The following RPL31 variants were observed in gnomAD, a reference collection of about 807,000 sequenced individuals.
The protein encoded by RPL31 is ribosomal protein L31, also known as large ribosomal subunit protein eL31.
For synonymous variants in RPL31, 51 were observed against 55.0 expected, an observed-to-expected ratio of 0.93 and a Z score of 0.32; for missense variants, 95 against 164.0, an observed-to-expected ratio of 0.58 and a Z score of 2.30.
chr2:101,007,453 T>TGTCA (rs1678810656), downstream of RPL31, among the ~76,000 whole-genome samples: 1 of 152,234 alleles, frequency 6.6e-6, no homozygotes, highest in African/African-American at 2.4e-5. Flanking sequence ...CCTCTCCCAT[T>TGTCA]GTCACTCCAA....
At position 101,015,565 on chromosome 2, in the gene RPL31, A is replaced by G. The variant is rs1573865303; in HGVS notation, c.347-3433A>G. On this transcript the variant is annotated intron_variant, in intron 4 of 4. Coordinates refer to the RPL31 transcript ENST00000409028. The stretch of plus-strand genomic sequence containing the variant: ...AATATTTCCTTTATATTCTTATTCT[A>G]TAAACATTTTTCTATCAAAAAAATC... Among the ~76,000 whole-genome samples the G allele has an allele frequency of 2.0e-5, 3 of 152,356 alleles. 1 individual carries two copies. The South Asian group carries it at 6.2e-4, about 32-fold the overall frequency.
chr2:101,003,767 A>T (rs1038982781), intron 2 of RPL31, among the ~76,000 whole-genome samples: 1 of 152,214 alleles, frequency 6.6e-6, no homozygotes, highest in Non-Finnish European at 1.5e-5. Flanking sequence ...GCATTGAATG[A>T]TCTGTTCCAA....
intron 2 of RPL31, among the ~76,000 whole-genome samples, chr2:101,003,475 T>G (rs1386345191): frequency 6.6e-6 from 1 of 152,176 alleles, no homozygotes; most frequent in African/African-American, 2.4e-5. Flanking sequence ...AAACTTGCAG[T>G]CCCCTTCCCT....
At chr2:101,006,322 T>C (rs1413241999) in intron 4 of RPL31, 28 bp from the exon 5 acceptor site, 11 of 1,605,166 alleles carry the variant, frequency 6.9e-6, no homozygotes, top group East Asian at 2.2e-5. Flanking sequence ...GATGTGGGTA[T>C]GGAAATTGAC....
At chr2:101,015,750 G>A (rs74472558) in intron 4 of RPL31, among the ~76,000 whole-genome samples, 2 of 152,180 alleles carry the variant, frequency 1.3e-5, no homozygotes, top group East Asian at 3.8e-4. Context: ...ACAGAACAGA[G>A]CCCTCAGAAA....
In RPL31 at chr2:101,007,153, T is replaced by A. The variant is rs1678779807; in HGVS notation, c.*772T>A. ...AAACCATGGATGGGCAGCAGCAACA[T>A]CTCCAGCTTACCCATTCACTGCCAC... On this transcript the variant is annotated 3_prime_UTR_variant, in exon 5 of 5. Coordinates refer to ENST00000264258, the MANE Select transcript of RPL31 (RefSeq NM_000993.5). 1 of 152,190 alleles carries A rather than the reference T, an allele frequency of 6.6e-6. No homozygotes were observed. The highest frequency in any genetic ancestry group is 2.4e-5 in the African/African-American group (1 of 41,406). 9.4% of individuals were successfully genotyped at this position (152,190 alleles called of 1,614,324 possible). A position where few individuals can be genotyped will look rare whatever the true frequency, so the allele number is the denominator to read the frequency against.
At chr2:101,008,355 G>A, downstream of RPL31, 1 of 1,106,030 alleles carries the variant, frequency 9.0e-7, no homozygotes, top group Non-Finnish European at 1.2e-6. Context: ...TGTGAGCTTT[G>A]AGAAAACGAC....
downstream of RPL31, chr2:101,011,635 G>T: frequency 7.7e-7 from 1 of 1,293,058 alleles, no homozygotes; most frequent in Non-Finnish European, 1.1e-6. Flanking sequence ...GGCTAAGCCA[G>T]CAGCTCCCAG....
At position 101,019,121 on chromosome 2, in the gene RPL31, A is replaced by C. The variant is rs369132251; in HGVS notation, c.*83A>C. ...AGCTGCAGCAGATGCCTTTACAACCAAGCTCACCGAGGACGTCTGTCTCCC... is the reference window on the plus strand; with the variant it reads ...AGCTGCAGCAGATGCCTTTACAACCCAGCTCACCGAGGACGTCTGTCTCCC... On this transcript the variant is annotated 3_prime_UTR_variant, in exon 5 of 5. Transcript: ENST00000409028. 32 of 1,539,652 alleles carry C rather than the reference A, an allele frequency of 2.1e-5. No individual in the cohort carries two copies. The East Asian group carries it at 4.3e-4, about 21-fold the overall frequency.
chr2:101,018,115 TAA>T (rs1679788907), intron 4 of RPL31: 5 of 565,964 alleles, frequency 8.8e-6, no homozygotes, highest in South Asian at 8.7e-5. Flanking sequence ...CTTTTTCATA[TAA>T]AGTTTTCAGA....
Position 101,004,418 on chromosome 2 carries a change from T to A in RPL31, c.233+135T>A, listed in dbSNP as rs539900797. The A allele has an allele frequency of 7.1e-5, 64 of 899,426 alleles. No homozygotes were observed. The African/African-American group carries it at 9.9e-4, about 14-fold the overall frequency. The allele number at this position is 899,426 out of a possible 1,614,324, so 55.7% of individuals were successfully genotyped here. On this transcript the variant is annotated intron_variant, in intron 3 of 4. Coordinates refer to ENST00000264258, the MANE Select transcript of RPL31 (RefSeq NM_000993.5). ...ATAAAAAAAAAAAATACTGTGACCG[T>A]GACTTAGGGTGTGTAGTATCTGCAG...
chr2:101,004,815 C>G (rs1356393110), intron 3 of RPL31: 1 of 153,622 alleles, frequency 6.5e-6, no homozygotes, highest in Non-Finnish European at 1.4e-5. Flanking sequence ...AATTGCCTAG[C>G]TCAGATGTTA....
intron 4 of RPL31, among the ~76,000 whole-genome samples, chr2:101,013,617 G>A (rs1010566896): frequency 6.6e-6 from 1 of 152,202 alleles, no homozygotes; most frequent in Non-Finnish European, 1.5e-5. Context: ...CCAGCAGGAA[G>A]GTCTCTCCTT....
intron 4 of RPL31, among the ~76,000 whole-genome samples, chr2:101,016,724 C>A (rs1014923437): frequency 6.6e-6 from 1 of 152,122 alleles, no homozygotes; most frequent in Non-Finnish European, 1.5e-5. Context: ...CACATATACA[C>A]CATGGAATAC....
Position 101,006,623 on chromosome 2 carries a change from T to C in RPL31, c.*242T>C. The C allele has an allele frequency of 2.3e-6, 1 of 427,360 alleles. No individual in the cohort carries two copies. The highest frequency in any genetic ancestry group is 4.1e-6 in the Non-Finnish European group (1 of 243,450). 26.5% of individuals were successfully genotyped at this position (427,360 alleles called of 1,614,324 possible). A position where few individuals can be genotyped will look rare whatever the true frequency, so the allele number is the denominator to read the frequency against. On this transcript the variant is annotated 3_prime_UTR_variant, in exon 5 of 5. Transcript: ENST00000264258. ...TGGGATACTGAAGGCATATTGTTAA[T>C]TATTCTACTTGTATGTTTTGCTAAT... is the stretch of plus-strand genomic sequence containing the variant.
chr2:101,005,732 G>A, intron 3 of RPL31: 1 of 551,452 alleles, frequency 1.8e-6, no homozygotes, highest in Non-Finnish European at 3.2e-6. Flanking sequence ...GGTATCAATG[G>A]TGGCTACCTT....
chr2:101,013,261 T>C (rs1679365944), intron 4 of RPL31, among the ~76,000 whole-genome samples: 1 of 152,194 alleles, frequency 6.6e-6, no homozygotes. Flanking sequence ...CTGAAAATAC[T>C]CATTCCACGA....
intron 4 of RPL31, among the ~76,000 whole-genome samples, chr2:101,015,191 G>A (rs1679531216): frequency 6.6e-6 from 1 of 152,042 alleles, no homozygotes; most frequent in South Asian, 2.1e-4. Flanking sequence ...TGGTAGCTGT[G>A]TATCTAAACT....
At chr2:101,004,678 G>T in intron 3 of RPL31, 8 of 207,510 alleles carry the variant, frequency 3.9e-5, no homozygotes, top group Non-Finnish European at 5.6e-5. Flanking sequence ...GCCTGCGGCA[G>T]TTTTACCTGT....
Sources: allele counts gnomAD v4.1 joint callset (sites outside exome capture counted in the v4.1 genomes callset), GRCh38; gene constraint gnomAD v4.1.1; transcripts MANE v1.5; gene names NCBI Gene and HGNC (gene_info 2026-07-23, HGNC 2026-07-21).